The following LINGO2 variants were observed in gnomAD, a reference collection of about 807,000 sequenced individuals.
LINGO2 encodes leucine-rich repeat and immunoglobulin-like domain-containing nogo receptor-interacting protein 2.
A neutral mutation model predicts 30.6 loss-of-function variants in LINGO2; 14 were observed. The ratio of observed to expected loss-of-function variants is 0.46; its 90% confidence interval spans 0.30 to 0.72. LINGO2 has a LOEUF of 0.72. LINGO2 is among the 30% of genes least tolerant of loss of function. The probability of loss-of-function intolerance (pLI) is 0.07; values close to 1 mark genes in which losing one functional copy is unlikely to be tolerated. For synonymous variants in LINGO2, 317 were observed against 288.5 expected, an observed-to-expected ratio of 1.10 and a Z score of -1.00; for missense variants, 729 against 751.7, an observed-to-expected ratio of 0.97 and a Z score of 0.35.
At chr9:28,704,256 T>C in the LINGO2 span, among the ~76,000 whole-genome samples, 1 of 152,216 alleles carries the variant, frequency 6.6e-6, no homozygotes, top group Admixed American at 6.5e-5. Context: ...CATTCTCTTC[T>C]TGCTTGCAAG....
At chr9:28,888,572 G>A in the LINGO2 span, among the ~76,000 whole-genome samples, 1 of 151,922 alleles carries the variant, frequency 6.6e-6, no homozygotes, top group African/African-American at 2.4e-5. Flanking sequence ...TTTCACATAA[G>A]CACTGGCACC....
the LINGO2 span, among the ~76,000 whole-genome samples, chr9:28,911,463 T>C: frequency 2.0e-4 from 30 of 152,178 alleles, no homozygotes; most frequent in Admixed American, 1.7e-3. Context: ...TTGATCAACA[T>C]CCATTTTTTT....
chr9:28,871,255 C>T, the LINGO2 span, among the ~76,000 whole-genome samples: 2 of 151,272 alleles, frequency 1.3e-5, no homozygotes, highest in Admixed American at 1.3e-4. Context: ...TACAGCAAAT[C>T]TATATGAAAA....
At chr9:28,319,652 G>A (rs945368919) in intron 3 of LINGO2, among the ~76,000 whole-genome samples, 1 of 152,002 alleles carries the variant, frequency 6.6e-6, no homozygotes, top group African/African-American at 2.4e-5. Context: ...ATGACATTTG[G>A]AAAAGACAAA....
intron 4 of LINGO2, among the ~76,000 whole-genome samples, chr9:28,269,097 T>C (rs1822852533): frequency 6.6e-6 from 1 of 152,102 alleles, no homozygotes; most frequent in African/African-American, 2.4e-5. Context: ...AGTTCAGAAC[T>C]ATCACCTTCT....
chr9:27,953,264 C>A (rs1301466231), intron 5 of LINGO2, among the ~76,000 whole-genome samples: 1 of 152,016 alleles, frequency 6.6e-6, no homozygotes, highest in East Asian at 1.9e-4. Flanking sequence ...TATGTTAATT[C>A]TTTTGACTTT....
At chr9:27,980,809 G>A (rs1231512824) in intron 5 of LINGO2, among the ~76,000 whole-genome samples, 1 of 151,794 alleles carries the variant, frequency 6.6e-6, no homozygotes, top group Non-Finnish European at 1.5e-5. Flanking sequence ...CAGCTTGAGG[G>A]GATAAGGCAA....
At chr9:28,985,123 T>A in the LINGO2 span, among the ~76,000 whole-genome samples, 1 of 152,148 alleles carries the variant, frequency 6.6e-6, no homozygotes, top group Non-Finnish European at 1.5e-5. Flanking sequence ...GCAGTATTTG[T>A]CTTTCTGTGC....
At chr9:28,076,420 A>T (rs1825624915) in intron 4 of LINGO2, among the ~76,000 whole-genome samples, 2 of 152,056 alleles carry the variant, frequency 1.3e-5, no homozygotes, top group Admixed American at 6.6e-5. Context: ...AAACATTTTA[A>T]TTCTGATCTC....
intron 4 of LINGO2, among the ~76,000 whole-genome samples, chr9:28,256,989 TA>T (rs1210442965): frequency 6.6e-6 from 1 of 151,982 alleles, no homozygotes; most frequent in East Asian, 1.9e-4. Flanking sequence ...CCTGGATCAT[TA>T]AAAATATTAA....
intron 4 of LINGO2, among the ~76,000 whole-genome samples, chr9:28,204,157 G>C (rs1820332266): frequency 6.6e-6 from 1 of 152,104 alleles, no homozygotes; most frequent in African/African-American, 2.4e-5. Flanking sequence ...CTCAGTTGTA[G>C]TTTTCCTAGA....
chr9:28,533,314 C>T (rs914707577), intron 1 of LINGO2, among the ~76,000 whole-genome samples: 2 of 152,032 alleles, frequency 1.3e-5, no homozygotes, highest in African/African-American at 2.4e-5. Context: ...CTGCACCGTC[C>T]GCTTCCCACT....
At chr9:28,260,382 G>A (rs1054814558) in intron 4 of LINGO2, among the ~76,000 whole-genome samples, 3 of 151,600 alleles carry the variant, frequency 2.0e-5, no homozygotes, top group Middle Eastern at 3.2e-3. Flanking sequence ...GATGTGTTTC[G>A]TAATGGTCGC....
intron 1 of LINGO2, among the ~76,000 whole-genome samples, chr9:28,573,029 GTATTCTGTGGCAAGTTTTTCAA>G (rs1823778124): frequency 6.6e-6 from 1 of 152,090 alleles, no homozygotes; most frequent in Non-Finnish European, 1.5e-5. Context: ...ACACAAAGGT[GTATTCTGTGGCAAGTTTTTCAA>G]TATCTATTGG....
chr9:28,393,550 C>T (rs1821920765), intron 2 of LINGO2, among the ~76,000 whole-genome samples: 1 of 152,110 alleles, frequency 6.6e-6, no homozygotes, highest in Non-Finnish European at 1.5e-5. Context: ...GTCATATTAA[C>T]AACAATATAC....
the LINGO2 span, among the ~76,000 whole-genome samples, chr9:29,024,318 G>C: frequency 6.6e-6 from 1 of 152,002 alleles, no homozygotes; most frequent in South Asian, 2.1e-4. Context: ...TGTATTCACA[G>C]CACCATGGAT....
chr9:29,189,388 G>A, the LINGO2 span, among the ~76,000 whole-genome samples: 1 of 149,536 alleles, frequency 6.7e-6, no homozygotes, highest in Non-Finnish European at 1.5e-5. Context: ...GGCGGTTGCC[G>A]GGCAGAGGGT....
chr9:28,286,028 T>G (rs992593106), intron 4 of LINGO2, among the ~76,000 whole-genome samples: 7 of 152,188 alleles, frequency 4.6e-5, no homozygotes, highest in Admixed American at 2.0e-4. Flanking sequence ...ACATGATACC[T>G]AATAAATGCT....
At chr9:28,992,734 G>A in the LINGO2 span, among the ~76,000 whole-genome samples, 3 of 151,984 alleles carry the variant, frequency 2.0e-5, no homozygotes, top group African/African-American at 4.8e-5. Context: ...TCAACTACAT[G>A]GAAACTGAAC....
Sources: allele counts gnomAD v4.1 joint callset (sites outside exome capture counted in the v4.1 genomes callset), GRCh38; gene constraint gnomAD v4.1.1; transcripts MANE v1.5; gene names NCBI Gene and HGNC (gene_info 2026-07-23, HGNC 2026-07-21).